SAMD5: variants seen among roughly 807,000 people sequenced by gnomAD.
The protein encoded by SAMD5 is sterile alpha motif domain containing 5.
A neutral mutation model predicts 11.3 loss-of-function variants in SAMD5; 13 were observed. The observed-to-expected ratio is 1.15, with a 90% CI of 0.75 to 1.83. The LOEUF is 1.83. SAMD5 is among the 40% of genes most tolerant of loss of function. SAMD5 has a pLI of 0.00. For missense variants in SAMD5, 255 were observed against 239.1 expected, an observed-to-expected ratio of 1.07 and a Z score of -0.44; for synonymous variants, 129 against 111.3, an observed-to-expected ratio of 1.16 and a Z score of -1.00.
chr6:147,908,645 A>T, the SAMD5 span, among the ~76,000 whole-genome samples: 1 of 152,158 alleles, frequency 6.6e-6, no homozygotes, highest in Non-Finnish European at 1.5e-5. Context: ...ATTCCTGTGG[A>T]TTTGTGTAGA....
At chr6:147,880,541 T>G in the SAMD5 span, among the ~76,000 whole-genome samples, 1 of 152,144 alleles carries the variant, frequency 6.6e-6, no homozygotes, top group Non-Finnish European at 1.5e-5. Flanking sequence ...AAGGAGAGGG[T>G]GAAGCTTAGT....
chr6:147,932,234 A>C, the SAMD5 span, among the ~76,000 whole-genome samples: 2 of 152,198 alleles, frequency 1.3e-5, no homozygotes, highest in Non-Finnish European at 2.9e-5. Flanking sequence ...AAGACCTGCA[A>C]CAAAATATGT....
At chr6:147,596,701 C>T (rs946681708) in intron 1 of SAMD5, among the ~76,000 whole-genome samples, 1 of 152,178 alleles carries the variant, frequency 6.6e-6, no homozygotes, top group African/African-American at 2.4e-5. Flanking sequence ...AGCCACACTT[C>T]ATAAACAATA....
the SAMD5 span, among the ~76,000 whole-genome samples, chr6:147,830,768 T>C: frequency 6.6e-6 from 1 of 152,220 alleles, no homozygotes; most frequent in Non-Finnish European, 1.5e-5. Flanking sequence ...GCTGCATTTA[T>C]TTTTTTCTTC....
intron 1 of SAMD5, among the ~76,000 whole-genome samples, chr6:147,674,450 C>T (rs143155358): frequency 7.6e-4 from 115 of 152,280 alleles, no homozygotes; most frequent in African/African-American, 2.4e-3. Context: ...ACCCCTTGCA[C>T]GCACCCAACT....
intron 1 of SAMD5, among the ~76,000 whole-genome samples, chr6:147,651,470 G>C (rs1259411573): frequency 6.6e-6 from 1 of 152,202 alleles, no homozygotes; most frequent in Non-Finnish European, 1.5e-5. Flanking sequence ...GGTATTAAGA[G>C]GTGGGGCCTT....
At chr6:147,799,087 A>C in the SAMD5 span, among the ~76,000 whole-genome samples, 2 of 151,460 alleles carry the variant, frequency 1.3e-5, no homozygotes, top group East Asian at 3.9e-4. Flanking sequence ...TAATAGTGTT[A>C]TGTGTGAATT....
chr6:147,875,655 A>C, the SAMD5 span, among the ~76,000 whole-genome samples: 2 of 151,854 alleles, frequency 1.3e-5, no homozygotes, highest in Non-Finnish European at 1.5e-5. Flanking sequence ...ACTCCCCATC[A>C]CTCGCAAAAC....
intron 1 of SAMD5, among the ~76,000 whole-genome samples, chr6:147,685,299 C>T (rs151231607): frequency 0.021 from 3,203 of 152,220 alleles, 65 homozygotes; most frequent in African/African-American, 0.049. Flanking sequence ...CAGGTTCAAG[C>T]GATTCTCTTG....
At chr6:147,788,629 A>G in the SAMD5 span, among the ~76,000 whole-genome samples, 4 of 152,244 alleles carry the variant, frequency 2.6e-5, no homozygotes, top group Non-Finnish European at 5.9e-5. Context: ...AATAGTTGAT[A>G]TAGCGTAGTG....
chr6:147,736,154 T>C (rs1791800325), intron 1 of SAMD5, among the ~76,000 whole-genome samples: 1 of 152,222 alleles, frequency 6.6e-6, no homozygotes, highest in Non-Finnish European at 1.5e-5. Context: ...AACGTTTGTG[T>C]GTCTCTGTTT....
chr6:147,522,743 C>T (rs1376301127), intron 1 of SAMD5, among the ~76,000 whole-genome samples: 1 of 152,128 alleles, frequency 6.6e-6, no homozygotes, highest in Non-Finnish European at 1.5e-5. Context: ...AGTTGATTTC[C>T]TGCCAGTAAC....
the SAMD5 span, among the ~76,000 whole-genome samples, chr6:147,785,527 A>C: frequency 2.0e-5 from 3 of 152,188 alleles, no homozygotes; most frequent in Non-Finnish European, 4.4e-5. Context: ...CCTGGTTCTG[A>C]CATTCTCCAG....
chr6:147,537,647 G>A (rs1405682926), intron 1 of SAMD5, among the ~76,000 whole-genome samples: 1 of 151,972 alleles, frequency 6.6e-6, no homozygotes, highest in Non-Finnish European at 1.5e-5. Context: ...CCAGCTACTC[G>A]GGAGGCTGAG....
At chr6:147,800,902 G>A in the SAMD5 span, among the ~76,000 whole-genome samples, 1 of 151,762 alleles carries the variant, frequency 6.6e-6, no homozygotes, top group Non-Finnish European at 1.5e-5. Context: ...TTACCTTATT[G>A]AAATAAAGTA....
the SAMD5 span, among the ~76,000 whole-genome samples, chr6:147,919,103 C>A: frequency 2.0e-5 from 3 of 152,206 alleles, no homozygotes; most frequent in African/African-American, 7.2e-5. Context: ...AGTTTGGATG[C>A]CTTATCTGTC....
At position 147,732,131 on chromosome 6, in the gene SAMD5, T is replaced by G. The variant is rs79494438; in HGVS notation, c.163-5186T>G. On this transcript the variant is annotated intron_variant, in intron 1 of 1. Transcript: ENST00000566741. ...AATGCAGTGTACTTTAAAAGAGGAT[T>G]GGATTTCAGAAAAAGGACCATCAGC... 7.9e-4 allele frequency among the ~76,000 whole-genome samples: 120 copies of G among 152,246 alleles called. 1 individual carries two copies. In the East Asian group the frequency reaches 0.02, roughly 25 times the overall value.
chr6:147,731,185 G>A (rs1444110951), intron 1 of SAMD5, among the ~76,000 whole-genome samples: 4 of 152,106 alleles, frequency 2.6e-5, no homozygotes, highest in Admixed American at 2.0e-4. Context: ...AACCAGGTCC[G>A]AGCCCAGACA....
intron 1 of SAMD5, among the ~76,000 whole-genome samples, chr6:147,705,166 T>C (rs1464223787): frequency 6.6e-6 from 1 of 152,248 alleles, no homozygotes; most frequent in Non-Finnish European, 1.5e-5. Context: ...TTTAATATTC[T>C]GAGTGTCCTT....
Sources: allele counts gnomAD v4.1 joint callset (sites outside exome capture counted in the v4.1 genomes callset), GRCh38; gene constraint gnomAD v4.1.1; transcripts MANE v1.5; gene names NCBI Gene and HGNC (gene_info 2026-07-23, HGNC 2026-07-21).